The following LEFTY2 variants were observed in gnomAD, a reference collection of about 807,000 sequenced individuals.
The protein encoded by LEFTY2 is left-right determination factor 2, also known as TGF-beta-4.
LEFTY2 carries 10 observed loss-of-function variants against 26.4 expected under a neutral mutation model. That is an observed-to-expected ratio of 0.38 (90% CI 0.23 to 0.64). The LOEUF is 0.64. LEFTY2 is among the 30% of genes least tolerant of loss of function. The pLI is 0.56. For missense variants in LEFTY2, 407 were observed against 502.1 expected (o/e 0.81, Z 1.81); for synonymous variants, 204 against 234.1 (o/e 0.87, Z 1.17).
Position 225,939,162 on chromosome 1 carries a change from C to A in LEFTY2, c.737+199G>T, listed in dbSNP as rs1351557274. ...CTAGGATTACAGGTCTGAGCCACCA[C>A]GCCTGGCCAACAATACAATTTCTGC... On this transcript the variant is annotated intron_variant, in intron 3 of 3. Coordinates refer to ENST00000366820, the MANE Select transcript of LEFTY2 (RefSeq NM_003240.5). The surrounding 1 kb of genome is among the most constrained non-coding windows in gnomAD (Gnocchi z 4.1). Among the ~76,000 whole-genome samples the A allele has an allele frequency of 6.6e-6, 1 of 152,188 alleles. No homozygotes were observed. Among genetic ancestry groups the A allele is most frequent in the Non-Finnish European group, 1.5e-5 (1 of 68,036 alleles).
rs537645193 is a variant in LEFTY2, at chr1:225,938,239, T to G, written c.738-435A>C. ...ACCACTGTGCTACACAGCCCCCATC[T>G]GCTCCAGAGAGCTAACTTGTCCATG... is the stretch of plus-strand genomic sequence containing the variant. On this transcript the variant is annotated intron_variant, in intron 3 of 3. Coordinates refer to ENST00000366820, the MANE Select transcript of LEFTY2 (RefSeq NM_003240.5). Among the ~76,000 whole-genome samples the G allele has an allele frequency of 1.6e-3, 247 of 152,344 alleles. 2 individuals are homozygous for G. Among genetic ancestry groups the G allele is most frequent in the African/African-American group, 5.8e-3 (242 of 41,586 alleles).
In LEFTY2 at chr1:225,941,052, C is replaced by A; in HGVS notation, c.89G>T (p.Ser30Ile). 1.9e-6 allele frequency: 3 copies of A among 1,611,730 alleles called. No homozygotes were observed. In the South Asian group the frequency reaches 3.3e-5, roughly 18 times the overall value. The change falls in exon 1 of 4, where the codon AGC becomes ATC. Residue 30 changes from serine (S) to isoleucine (I), a missense_variant. Transcript: ENST00000366820. ...AALTEEQLLG[S>I]LLRQLQLSEV... ...GCTGAGCTGCAGCTGCCGCAGCAGG[C>A]TGCCCAGGAGCTGCTCCTCGGTCAG...
In LEFTY2 at chr1:225,940,013, G is replaced by C; in HGVS notation, c.251-11C>G. On this transcript the variant is annotated splice_polypyrimidine_tract_variant and intron_variant, in intron 1 of 3. Transcript: ENST00000366820. ...ACCTGCCGGCCACCTCTGGGGACAA[G>C]AGCAGGGTCAGCAGGGCCTCCCCGG... is the stretch of plus-strand genomic sequence containing the variant. The C allele has an allele frequency of 1.9e-6, 3 of 1,595,774 alleles. No individual in the cohort carries two copies. The highest frequency in any genetic ancestry group is 2.5e-6 in the Non-Finnish European group (3 of 1,179,560).
chr1:225,939,639 C>T lies in LEFTY2; in HGVS notation c.498-39G>A, dbSNP rs748980948. 1.9e-6 allele frequency: 3 copies of T among 1,612,326 alleles called. No homozygotes were observed. Among genetic ancestry groups the T allele is most frequent in the East Asian group, 4.5e-5 (2 of 44,870 alleles). ...CACACGACACGGAGACCCAGCGCCG[C>T]TTGAGGGCGGGGACTGGGACGGGCC... is the stretch of plus-strand genomic sequence containing the variant. On this transcript the variant is annotated intron_variant, in intron 2 of 3. Coordinates refer to ENST00000366820, the MANE Select transcript of LEFTY2 (RefSeq NM_003240.5). The surrounding 1 kb of genome is among the most constrained non-coding windows in gnomAD (Gnocchi z 4.1).
Position 225,939,692 on chromosome 1 carries a change from C to T in LEFTY2, c.497+64G>A. 6.2e-7 allele frequency: 1 copy of T among 1,609,108 alleles called. No individual in the cohort carries two copies. The highest frequency in any genetic ancestry group is 8.5e-7 in the Non-Finnish European group (1 of 1,178,494). ...GAGGACCCTGCACCGCCCCCTGCGT[C>T]CCCGCCCCCAAGCCGGGCCGAGCAG... is the stretch of plus-strand genomic sequence containing the variant. On this transcript the variant is annotated intron_variant, in intron 2 of 3. Transcript: ENST00000366820. The surrounding 1 kb of genome is among the most constrained non-coding windows in gnomAD (Gnocchi z 4.1).
chr1:225,938,227 A>G (rs570110577), intron 3 of LEFTY2, among the ~76,000 whole-genome samples: 61 of 152,256 alleles, frequency 4.0e-4, no homozygotes, highest in Non-Finnish European at 6.5e-4. Flanking sequence ...ACTGTGCTAC[A>G]CAGCCCCCAT....
rs370508860 is a variant in LEFTY2, at chr1:225,941,087, G to A, written c.54C>T (p.Pro18=). The A allele has an allele frequency of 1.7e-5, 27 of 1,596,074 alleles. No individual in the cohort carries two copies. The African/African-American group carries it at 2.1e-4, about 13-fold the overall frequency. Residue 18 remains proline, a synonymous_variant, in exon 1 of 4, where the codon CCC becomes CCT. Transcript: ENST00000366820. ...GCTGCTCCTCGGTCAGGGCCGCCCCGGGGCCAGCCAGGGGCAGCACCCAGA... is the reference window on the plus strand; with the variant it reads ...GCTGCTCCTCGGTCAGGGCCGCCCCAGGGCCAGCCAGGGGCAGCACCCAGA... The part of the protein sequence containing the change: ...WALWVLPLAG[P]GAALTEEQLL...
In LEFTY2 at chr1:225,940,880, G is replaced by A. The variant is rs564180251; in HGVS notation, c.250+11C>T. The A allele has an allele frequency of 1.2e-6, 2 of 1,613,402 alleles. No individual in the cohort carries two copies. Among genetic ancestry groups the A allele is most frequent in the African/African-American group, 2.7e-5 (2 of 75,048 alleles). ...CATGGGACCGGGGCCAGCAGGGAGG[G>A]AGGGTCTCACCTCGGAAGCTCTGGC... is the stretch of plus-strand genomic sequence containing the variant. On this transcript the variant is annotated intron_variant, in intron 1 of 3. Transcript: ENST00000366820.
chr1:225,937,288 G>A lies in LEFTY2; in HGVS notation c.*153C>T, dbSNP rs1029836584. On this transcript the variant is annotated 3_prime_UTR_variant, in exon 4 of 4. Coordinates refer to ENST00000366820, the MANE Select transcript of LEFTY2 (RefSeq NM_003240.5). ...TAAGTGCTTAGGATGGGTGATGGAC[G>A]GGAAAGACAGGAAATGGAAGGACAC... is the stretch of plus-strand genomic sequence containing the variant. 4.8e-5 allele frequency: 60 copies of A among 1,248,576 alleles called. No individual in the cohort carries two copies. In the African/African-American group the frequency reaches 5.6e-4, roughly 12 times the overall value. The allele number at this position is 1,248,576 out of a possible 1,614,324, so 77.3% of individuals were successfully genotyped here. A position where few individuals can be genotyped will look rare whatever the true frequency, so the allele number is the denominator to read the frequency against.
In LEFTY2 at chr1:225,941,161, G is replaced by A; in HGVS notation, c.-21C>T. 15 of 1,527,020 alleles carry A rather than the reference G, an allele frequency of 9.8e-6. No individual in the cohort carries two copies. Among genetic ancestry groups the A allele is most frequent in the Non-Finnish European group, 1.3e-5 (15 of 1,142,956 alleles). 94.6% of individuals were successfully genotyped at this position (1,527,020 alleles called of 1,614,324 possible). On this transcript the variant is annotated 5_prime_UTR_variant, in exon 1 of 4. Transcript: ENST00000366820. Reference sequence around the variant, plus strand: ...CACATGGTGCTGCCCTGGGGGAGCAGGAGGCAGAGTGGGGCTGTCCTCTAG... The same window carrying A: ...CACATGGTGCTGCCCTGGGGGAGCAAGAGGCAGAGTGGGGCTGTCCTCTAG...
In LEFTY2 at chr1:225,937,676, A is replaced by G. The variant is rs1672187946; in HGVS notation, c.866T>C (p.Leu289Pro). The G allele has an allele frequency of 6.2e-7, 1 of 1,614,028 alleles. No individual in the cohort carries two copies. The highest frequency in any genetic ancestry group is 2.2e-5 in the East Asian group (1 of 44,880). Residue 289 changes from leucine (L) to proline (P), a missense_variant, in exon 4 of 4, where the codon CTG becomes CCG. Coordinates refer to ENST00000366820, the MANE Select transcript of LEFTY2 (RefSeq NM_003240.5). ...KNWVLEPPGF[L>P]AYECVGTCQQ... ...GCAGGTGCCCACACACTCGTAAGCC[A>G]GGAAGCCCGGGGGCTCCAGCACCCA... is the stretch of plus-strand genomic sequence containing the variant.
chr1:225,941,116 C>T lies in LEFTY2; in HGVS notation c.25G>A (p.Ala9Thr), dbSNP rs1218034854. The T allele has an allele frequency of 1.3e-6, 2 of 1,575,094 alleles. No homozygotes were observed. The highest frequency in any genetic ancestry group is 4.5e-5 in the East Asian group (2 of 44,286). Residue 9 changes from alanine to threonine, a missense_variant, in exon 1 of 4, where the codon GCA becomes ACA. Coordinates refer to ENST00000366820, the MANE Select transcript of LEFTY2 (RefSeq NM_003240.5). MWPLWLCW[A>T]LWVLPLAGPG... Reference sequence around the variant, plus strand: ...CCAGCCAGGGGCAGCACCCAGAGTGCCCAGCAGAGCCACAGGGGCCACATG... The same window carrying T: ...CCAGCCAGGGGCAGCACCCAGAGTGTCCAGCAGAGCCACAGGGGCCACATG...
chr1:225,939,257 C>T lies in LEFTY2; in HGVS notation c.737+104G>A. The T allele has an allele frequency of 2.6e-6, 4 of 1,559,152 alleles. No homozygotes were observed. Among genetic ancestry groups the T allele is most frequent in the Non-Finnish European group, 3.5e-6 (4 of 1,149,456 alleles). ...GACAGTCTGCACCGCGCTCTCCCTA[C>T]CCCTAGCCCACCGCCACCATCCGGT... On this transcript the variant is annotated intron_variant, in intron 3 of 3. Transcript: ENST00000366820. The surrounding 1 kb of genome is among the most constrained non-coding windows in gnomAD (Gnocchi z 4.1).
Position 225,937,601 on chromosome 1 carries a change from C to T in LEFTY2, c.941G>A (p.Arg314Gln), listed in dbSNP as rs748448462. The T allele has an allele frequency of 2.4e-5, 39 of 1,614,008 alleles. No homozygotes were observed. The highest frequency in any genetic ancestry group is 1.6e-4 in the African/African-American group (12 of 74,932). Residue 314 changes from arginine (R) to glutamine (Q), a missense_variant, in exon 4 of 4, where the codon CGA becomes CAA. Transcript: ENST00000366820. ...LAFNWPFLGP[R>Q]QCIASETASL... ...GGCAGTCTCCGAGGCGATACACTGT[C>T]GCGGCCCCAGAAATGGCCAATTGAA...
At position 225,937,285 on chromosome 1, in the gene LEFTY2, G is replaced by T; in HGVS notation, c.*156C>A. 3.3e-6 allele frequency: 4 copies of T among 1,212,926 alleles called. No individual in the cohort carries two copies. Among genetic ancestry groups the T allele is most frequent in the South Asian group, 2.6e-5 (2 of 78,174 alleles). 75.1% of individuals were successfully genotyped at this position (1,212,926 alleles called of 1,614,324 possible). A position where few individuals can be genotyped will look rare whatever the true frequency, so the allele number is the denominator to read the frequency against. On this transcript the variant is annotated 3_prime_UTR_variant, in exon 4 of 4. Coordinates refer to ENST00000366820, the MANE Select transcript of LEFTY2 (RefSeq NM_003240.5). ...ACGTAAGTGCTTAGGATGGGTGATG[G>T]ACGGGAAAGACAGGAAATGGAAGGA...
chr1:225,938,700 A>AT (rs1672217487), intron 3 of LEFTY2, among the ~76,000 whole-genome samples: 2 of 143,902 alleles, frequency 1.4e-5, no homozygotes, highest in South Asian at 2.2e-4. Context: ...TTTTTTATTT[A>AT]TTTTTTTAAG....
rs998188470 is a variant in LEFTY2 at position 225,939,182 on chromosome 1, T to A, written c.737+179A>T. Among the ~76,000 whole-genome samples the A allele has an allele frequency of 6.6e-6, 1 of 152,154 alleles. No individual in the cohort carries two copies. Among genetic ancestry groups the A allele is most frequent in the African/African-American group, 2.4e-5 (1 of 41,440 alleles). On this transcript the variant is annotated intron_variant, in intron 3 of 3. Coordinates refer to ENST00000366820, the MANE Select transcript of LEFTY2 (RefSeq NM_003240.5). The surrounding 1 kb of genome is among the most constrained non-coding windows in gnomAD (Gnocchi z 4.1). The stretch of plus-strand genomic sequence containing the variant: ...CACCACGCCTGGCCAACAATACAAT[T>A]TCTGCCATTAGAAACCCTGACATGT...
At position 225,941,072 on chromosome 1, in the gene LEFTY2, G is replaced by C; in HGVS notation, c.69C>G (p.Thr23=). 1.2e-6 allele frequency: 2 copies of C among 1,604,794 alleles called. No homozygotes were observed. Among genetic ancestry groups the C allele is most frequent in the Non-Finnish European group, 1.7e-6 (2 of 1,175,904 alleles). The change falls in exon 1 of 4, where the codon ACC becomes ACG. Residue 23 remains threonine (T), a synonymous_variant. Coordinates refer to ENST00000366820, the MANE Select transcript of LEFTY2 (RefSeq NM_003240.5). ...LPLAGPGAAL[T]EEQLLGSLLR... is the part of the protein sequence containing the mutation. The stretch of plus-strand genomic sequence containing the variant: ...GCAGGCTGCCCAGGAGCTGCTCCTC[G>C]GTCAGGGCCGCCCCGGGGCCAGCCA...
rs74578461 is a variant in LEFTY2 at position 225,939,743 on chromosome 1, G to C, written c.497+13C>G. On this transcript the variant is annotated intron_variant, in intron 2 of 3. Coordinates refer to ENST00000366820, the MANE Select transcript of LEFTY2 (RefSeq NM_003240.5). This position sits in a 1 kb window ranked among gnomAD's most constrained non-coding sequence, Gnocchi z 4.1. ...CCTCCTACTCCTGCCCTGCGCGCCC[G>C]CGCGACCCCCACCTGGAGTCGATGA... The C allele has an allele frequency of 0.31, 492,322 of 1,597,580 alleles. 76,864 individuals carry two copies. The highest frequency in any genetic ancestry group is 0.4 in the Admixed American group (23,126 of 57,620).
Sources: allele counts gnomAD v4.1 joint callset (sites outside exome capture counted in the v4.1 genomes callset), GRCh38; gene constraint gnomAD v4.1.1; non-coding constraint Gnocchi (gnomAD v3.1); transcripts MANE v1.5; gene names NCBI Gene and HGNC (gene_info 2026-07-23, HGNC 2026-07-21).